The following LRP1B variants were observed in gnomAD, a reference collection of about 807,000 sequenced individuals.
LRP1B encodes the protein LDL receptor related protein 1B.
In LRP1B, 217 loss-of-function variants were observed where a neutral mutation model predicts 556.6. The ratio of observed to expected loss-of-function variants is 0.39; its 90% confidence interval spans 0.35 to 0.44. The LOEUF (loss-of-function observed/expected upper bound fraction) is 0.44. Among genes scored for constraint, LRP1B ranks in the 20% least tolerant of loss-of-function variants. The probability of loss-of-function intolerance (pLI) is 1.00; values close to 1 mark genes in which losing one functional copy is unlikely to be tolerated. For missense variants in LRP1B, 5,053 were observed against 5,620.8 expected, an observed-to-expected ratio of 0.90 and a Z score of 3.23; for synonymous variants, 2,047 against 1,865.8, an observed-to-expected ratio of 1.10 and a Z score of -2.50.
chr2:141,561,875 A>T (rs926517909), intron 2 of LRP1B, among the ~76,000 whole-genome samples: 2 of 151,962 alleles, frequency 1.3e-5, no homozygotes, highest in Non-Finnish European at 2.9e-5. Context: ...TTACCACGAT[A>T]GCTTATTTTT....
Position 140,886,253 on chromosome 2 carries a change from A to G in LRP1B, c.3849T>C (p.Leu1283=). The G allele has an allele frequency of 6.2e-7, 1 of 1,610,162 alleles. No individual in the cohort carries two copies. Among genetic ancestry groups the G allele is most frequent in the Non-Finnish European group, 8.5e-7 (1 of 1,176,980 alleles). The change falls in exon 24 of 91, where the codon CTT becomes CTC. Residue 1283 remains leucine, a synonymous_variant. Transcript: ENST00000389484. ...IDLHKRDYSL[L]VPGLRNTIAL... is the part of the protein sequence containing the mutation. The stretch of plus-strand genomic sequence containing the variant: ...CTATTGTGTTTCTCAATCCAGGAAC[A>G]AGTAGACTATAGTCTCTTTTGTGAA...
intron 2 of LRP1B, among the ~76,000 whole-genome samples, chr2:141,805,049 T>C (rs886351466): frequency 6.6e-6 from 1 of 152,100 alleles, no homozygotes; most frequent in Admixed American, 6.6e-5. Flanking sequence ...AATATTGTTT[T>C]GGAAAGCAAA....
intron 37 of LRP1B, among the ~76,000 whole-genome samples, chr2:140,703,798 T>C (rs1686731589): frequency 6.6e-6 from 1 of 152,124 alleles, no homozygotes; most frequent in African/African-American, 2.4e-5. Context: ...ATCAATTCAT[T>C]TAGGTTTATG....
intron 1 of LRP1B, among the ~76,000 whole-genome samples, chr2:141,814,753 A>G (rs1450919186): frequency 6.6e-6 from 1 of 152,178 alleles, no homozygotes; most frequent in Non-Finnish European, 1.5e-5. Context: ...GTAATTCAGG[A>G]GACTGGGTAA....
At chr2:140,573,296 A>G (rs2105112311) in intron 43 of LRP1B, among the ~76,000 whole-genome samples, 1 of 152,032 alleles carries the variant, frequency 6.6e-6, no homozygotes, top group East Asian at 1.9e-4. Context: ...TAAAATCCAA[A>G]AAGTAGTAAA....
chr2:141,355,919 G>A (rs1037063530), intron 3 of LRP1B, among the ~76,000 whole-genome samples: 9 of 151,894 alleles, frequency 5.9e-5, no homozygotes, highest in African/African-American at 1.7e-4. Context: ...CTTTTTGACT[G>A]TTCATATTTT....
At chr2:141,561,652 T>C (rs1470571388) in intron 2 of LRP1B, among the ~76,000 whole-genome samples, 1 of 151,858 alleles carries the variant, frequency 6.6e-6, no homozygotes, top group Admixed American at 6.6e-5. Context: ...TAGTCTAAGA[T>C]TGAAATCAGA....
intron 35 of LRP1B, among the ~76,000 whole-genome samples, chr2:140,738,637 A>C (rs1688030081): frequency 6.6e-6 from 1 of 152,134 alleles, no homozygotes; most frequent in Admixed American, 6.6e-5. Flanking sequence ...GTCTTGAGAA[A>C]AATTTCTTAG....
chr2:140,949,499 G>A (rs1695641063), intron 20 of LRP1B, among the ~76,000 whole-genome samples: 1 of 152,126 alleles, frequency 6.6e-6, no homozygotes, highest in Non-Finnish European at 1.5e-5. Context: ...CAGTCAGTTG[G>A]AAATACATCC....
chr2:140,749,178 C>T (rs1688483415), intron 35 of LRP1B, among the ~76,000 whole-genome samples: 1 of 151,964 alleles, frequency 6.6e-6, no homozygotes, highest in South Asian at 2.1e-4. Flanking sequence ...ACATTTATCA[C>T]AAAAGAAGCT....
At chr2:141,173,080 T>C (rs1558910302) in intron 7 of LRP1B, among the ~76,000 whole-genome samples, 1 of 151,848 alleles carries the variant, frequency 6.6e-6, no homozygotes, top group Non-Finnish European at 1.5e-5. Flanking sequence ...CCACACACTT[T>C]ATATCCATAG....
intron 17 of LRP1B, among the ~76,000 whole-genome samples, chr2:140,984,204 T>G (rs1218327761): frequency 1.3e-5 from 2 of 151,924 alleles, no homozygotes; most frequent in Non-Finnish European, 2.9e-5. Context: ...CTGGTTACAA[T>G]AAATACCTTT....
At position 140,920,910 on chromosome 2, in the gene LRP1B, T is replaced by A. The variant is rs149738707; in HGVS notation, c.3319+2055A>T. 2.1e-4 allele frequency among the ~76,000 whole-genome samples: 32 copies of A among 152,118 alleles called. No individual in the cohort carries two copies. In the East Asian group the frequency reaches 4.4e-3, roughly 21 times the overall value. ...AATCTCAAGTCAACACATATAAAAG[T>A]GTTCCAGAAAATTCAGTTCTCTAAA... On this transcript the variant is annotated intron_variant, in intron 21 of 90. Coordinates refer to ENST00000389484, the MANE Select transcript of LRP1B (RefSeq NM_018557.3).
intron 7 of LRP1B, among the ~76,000 whole-genome samples, chr2:141,141,987 C>A (rs1701664639): frequency 1.3e-5 from 2 of 149,352 alleles, no homozygotes. Flanking sequence ...GGCCACAATA[C>A]AAAACGATAG....
intron 1 of LRP1B, among the ~76,000 whole-genome samples, chr2:141,974,929 C>G (rs1339782474): frequency 6.6e-6 from 1 of 152,036 alleles, no homozygotes; most frequent in South Asian, 2.1e-4. Context: ...TGTTTTCCCC[C>G]TCTTTATACA....
intron 3 of LRP1B, among the ~76,000 whole-genome samples, chr2:141,349,370 G>A (rs1480718023): frequency 1.3e-5 from 2 of 151,988 alleles, no homozygotes; most frequent in Non-Finnish European, 2.9e-5. Flanking sequence ...GTCAATTAGA[G>A]TGTCTGTGGT....
intron 41 of LRP1B, among the ~76,000 whole-genome samples, chr2:140,640,285 C>G (rs794039): frequency 6.6e-6 from 1 of 150,598 alleles, no homozygotes; most frequent in Admixed American, 6.6e-5. Context: ...GCCATCGCGC[C>G]GGGCCTCAAA....
chr2:141,170,994 T>TA (rs1322374387), intron 7 of LRP1B, among the ~76,000 whole-genome samples: 5 of 152,084 alleles, frequency 3.3e-5, no homozygotes, highest in Non-Finnish European at 5.9e-5. Context: ...TTCCCTTCCT[T>TA]AAAAAATAAA....
At chr2:140,653,724 A>G (rs1684769806) in intron 41 of LRP1B, among the ~76,000 whole-genome samples, 1 of 152,102 alleles carries the variant, frequency 6.6e-6, no homozygotes, top group South Asian at 2.1e-4. Context: ...AAAGAAGCAT[A>G]CTAAAAGACT....
Sources: gnomAD v4.1 joint callset for allele counts (sites outside exome capture counted in the v4.1 genomes callset) on GRCh38, gnomAD v4.1.1 for gene constraint, MANE v1.5 for transcripts, NCBI Gene and HGNC (gene_info 2026-07-23, HGNC 2026-07-21) for gene names.